CSMD1: variants seen among roughly 807,000 people sequenced by gnomAD.
CSMD1 encodes the protein CUB and sushi domain-containing protein 1.
Under a neutral mutation model 417.5 loss-of-function variants are expected in CSMD1, and 213 were observed. The observed-to-expected ratio is 0.51, with a 90% CI of 0.46 to 0.57. The LOEUF (loss-of-function observed/expected upper bound fraction) is 0.57, where lower values mean the gene tolerates loss of function less well. Ranked by LOEUF, CSMD1 falls within the 20% of genes least tolerant of loss-of-function variation. CSMD1 has a pLI of 0.00. For synonymous variants in CSMD1, 2,862 were observed against 1,736.8 expected, an observed-to-expected ratio of 1.65 and a Z score of -16.11; for missense variants, 6,923 against 4,529.7, an observed-to-expected ratio of 1.53 and a Z score of -15.17.
rs535506522 is a variant in CSMD1, at chr8:3,626,647, T to C, written c.1010-9850A>G. On this transcript the variant is annotated intron_variant, in intron 7 of 69. Transcript: ENST00000635120. ...CCCACAGAAAGTTTCTTTTTGATTA[T>C]AGTTCATTAGTGATTTCAGGATAAG... Among the ~76,000 whole-genome samples the C allele has an allele frequency of 7.9e-5, 12 of 151,712 alleles. No homozygotes were observed. In the South Asian group the frequency reaches 2.3e-3, roughly 29 times the overall value.
chr8:4,230,244 A>G (rs960706257), intron 3 of CSMD1, among the ~76,000 whole-genome samples: 5 of 152,192 alleles, frequency 3.3e-5, no homozygotes, highest in African/African-American at 9.6e-5. Flanking sequence ...TTGCTCTACA[A>G]TAGATTTATA....
intron 49 of CSMD1, among the ~76,000 whole-genome samples, chr8:3,074,031 G>A (rs1054910028): frequency 2.6e-5 from 4 of 152,228 alleles, no homozygotes; most frequent in African/African-American, 4.8e-5. Flanking sequence ...CACCCTGAGG[G>A]TGGCAGCGGG....
intron 1 of CSMD1, among the ~76,000 whole-genome samples, chr8:4,940,071 C>A (rs1307032494): frequency 1.3e-5 from 2 of 152,060 alleles, no homozygotes; most frequent in Non-Finnish European, 2.9e-5. Context: ...GTAGGAGAAC[C>A]GGGCAGAAAA....
At chr8:4,864,217 G>A (rs916403779) in intron 1 of CSMD1, among the ~76,000 whole-genome samples, 2 of 151,768 alleles carry the variant, frequency 1.3e-5, no homozygotes, top group African/African-American at 2.4e-5. Flanking sequence ...ATTTCAAGTT[G>A]CTAGTAAAGT....
At chr8:4,542,873 A>T (rs988391073) in intron 2 of CSMD1, among the ~76,000 whole-genome samples, 4 of 152,098 alleles carry the variant, frequency 2.6e-5, no homozygotes, top group African/African-American at 7.2e-5. Flanking sequence ...TATTTCTATC[A>T]CTCTAATAGA....
chr8:3,982,630 C>G (rs1170897060), intron 5 of CSMD1, among the ~76,000 whole-genome samples: 1 of 151,426 alleles, frequency 6.6e-6, no homozygotes, highest in African/African-American at 2.4e-5. Context: ...AAAAAAAAAG[C>G]CATTAAATTA....
chr8:3,565,461 T>G (rs756609492), intron 10 of CSMD1, among the ~76,000 whole-genome samples: 4 of 152,202 alleles, frequency 2.6e-5, no homozygotes, highest in Non-Finnish European at 5.9e-5. Context: ...AATCGCCTCC[T>G]TAATAAAGTC....
Position 4,695,632 on chromosome 8 carries a change from A to C in CSMD1, c.86-58074T>G, listed in dbSNP as rs980713194. Among the ~76,000 whole-genome samples the C allele has an allele frequency of 2.1e-4, 32 of 152,166 alleles. No individual in the cohort carries two copies. The Middle Eastern group carries it at 0.014, about 65-fold the overall frequency. ...GCCTTCCCCATTCTCAACATACGCC[A>C]CCAAAGAGAGAGGTGCATTTGTTAG... On this transcript the variant is annotated intron_variant, in intron 1 of 69. Coordinates refer to ENST00000635120, the MANE Select transcript of CSMD1 (RefSeq NM_033225.6).
At chr8:4,028,183 C>A (rs745663178) in intron 4 of CSMD1, among the ~76,000 whole-genome samples, 1 of 152,110 alleles carries the variant, frequency 6.6e-6, no homozygotes, top group Non-Finnish European at 1.5e-5. Flanking sequence ...AGAGTAGGAA[C>A]TAGTCATCAT....
chr8:4,751,141 T>C (rs193249349), intron 1 of CSMD1, among the ~76,000 whole-genome samples: 2 of 152,162 alleles, frequency 1.3e-5, no homozygotes, highest in Non-Finnish European at 1.5e-5. Context: ...TCCCAGCACT[T>C]TGGGAGGCCG....
At chr8:4,184,593 T>G (rs1226960582) in intron 3 of CSMD1, among the ~76,000 whole-genome samples, 1 of 152,056 alleles carries the variant, frequency 6.6e-6, no homozygotes. Flanking sequence ...CCATTATCTT[T>G]AGCAAACTAA....
At chr8:3,504,353 C>T (rs2117359820) in intron 10 of CSMD1, among the ~76,000 whole-genome samples, 1 of 152,222 alleles carries the variant, frequency 6.6e-6, no homozygotes, top group Non-Finnish European at 1.5e-5. Context: ...ATTGTTTAAC[C>T]TTTCTTCTGT....
At chr8:4,774,370 C>G (rs900954923) in intron 1 of CSMD1, among the ~76,000 whole-genome samples, 6 of 152,062 alleles carry the variant, frequency 3.9e-5, no homozygotes, top group African/African-American at 1.4e-4. Flanking sequence ...GATCAGAGAA[C>G]CAAAGCATTC....
At chr8:4,285,125 T>C (rs979957113) in intron 3 of CSMD1, among the ~76,000 whole-genome samples, 1 of 152,232 alleles carries the variant, frequency 6.6e-6, no homozygotes, top group Non-Finnish European at 1.5e-5. Flanking sequence ...AGAAAAGTCC[T>C]TTTAACTTAC....
intron 2 of CSMD1, among the ~76,000 whole-genome samples, chr8:4,592,039 T>C (rs1800015606): frequency 6.6e-6 from 1 of 152,246 alleles, no homozygotes; most frequent in East Asian, 1.9e-4. Context: ...GAATTTCTTA[T>C]GGACCATTGC....
At position 4,637,192 on chromosome 8, in the gene CSMD1, T is replaced by C. The variant is rs1802870952; in HGVS notation, c.302+150A>G. The C allele has an allele frequency of 2.6e-5, 16 of 614,348 alleles. No individual in the cohort carries two copies. In the South Asian group the frequency reaches 2.9e-4, roughly 11 times the overall value. The allele number at this position is 614,348 out of a possible 1,614,324, so 38.1% of individuals were successfully genotyped here. ...AGCTGGAAAACTCACCCCAAAGGTC[T>C]GTGGCTTCATTCTTGAAGTCAGCGA... On this transcript the variant is annotated intron_variant, in intron 2 of 69. Transcript: ENST00000635120.
intron 5 of CSMD1, among the ~76,000 whole-genome samples, chr8:3,811,823 G>T (rs942771251): frequency 1.3e-5 from 2 of 152,106 alleles, no homozygotes; most frequent in African/African-American, 4.8e-5. Context: ...CAACTTTAAG[G>T]GTGTTCATCT....
At chr8:3,777,251 G>T (rs1407303757) in intron 5 of CSMD1, among the ~76,000 whole-genome samples, 4 of 151,956 alleles carry the variant, frequency 2.6e-5, no homozygotes, top group South Asian at 2.1e-4. Context: ...AAGGGCAGGG[G>T]TTTGTCTGCT....
At chr8:4,712,221 C>T (rs569228116) in intron 1 of CSMD1, among the ~76,000 whole-genome samples, 1 of 152,322 alleles carries the variant, frequency 6.6e-6, no homozygotes, top group Non-Finnish European at 1.5e-5. Flanking sequence ...GACCTCTACT[C>T]ATGATCCTCA....
Sources: gnomAD v4.1 joint callset for allele counts (sites outside exome capture counted in the v4.1 genomes callset) on GRCh38, gnomAD v4.1.1 for gene constraint, MANE v1.5 for transcripts, NCBI Gene and HGNC (gene_info 2026-07-23, HGNC 2026-07-21) for gene names.